FBXO16: variants seen among roughly 807,000 people sequenced by gnomAD.
FBXO16 encodes F-box only protein 16.
In FBXO16, 31 loss-of-function variants were observed where a neutral mutation model predicts 41.0. That is an observed-to-expected ratio of 0.76 (90% CI 0.57 to 1.02). The LOEUF is 1.02. Ranked by LOEUF, FBXO16 falls within the 50% of genes least tolerant of loss-of-function variation. The pLI, the probability that FBXO16 is intolerant of heterozygous loss-of-function variation, is 0.00. For synonymous variants in FBXO16, 133 were observed against 117.8 expected (o/e 1.13, Z -0.84); for missense variants, 361 against 346.2 (o/e 1.04, Z -0.34).
At chr8:28,483,085 G>A (rs954997791) in intron 2 of FBXO16, among the ~76,000 whole-genome samples, 5 of 152,114 alleles carry the variant, frequency 3.3e-5, no homozygotes, top group African/African-American at 4.8e-5. Context: ...GAAAAATGGC[G>A]AGTGGGGTGG....
At chr8:28,453,482 A>G (rs1187132834) in intron 5 of FBXO16, among the ~76,000 whole-genome samples, 3 of 151,904 alleles carry the variant, frequency 2.0e-5, no homozygotes, top group Admixed American at 6.5e-5. Context: ...TTAATCTCCA[A>G]AACTGAAAGC....
At chr8:28,431,049 G>A (rs371256545) in intron 7 of FBXO16, among the ~76,000 whole-genome samples, 1 of 152,160 alleles carries the variant, frequency 6.6e-6, no homozygotes, top group Admixed American at 6.6e-5. Context: ...ACAAGAATGG[G>A]CTAGTCACAT....
rs1803047446 is a variant in FBXO16, at chr8:28,456,856, G to A, written c.417C>T (p.Tyr139=). Residue 139 remains tyrosine (Y), a synonymous_variant, in exon 5 of 9, where the codon TAC becomes TAT. Coordinates refer to ENST00000380254, the MANE Select transcript of FBXO16 (RefSeq NM_172366.4). ...WMLKCLRFNW[Y]INFSPTPFEQ... The stretch of plus-strand genomic sequence containing the variant: ...CAAAGGGAGTTGGAGAGAAATTGAT[G>A]TACCAGTTAAACCGTAAACATTTCA... 1 of 1,614,110 alleles carries A rather than the reference G, an allele frequency of 6.2e-7. No individual in the cohort carries two copies. Among genetic ancestry groups the A allele is most frequent in the Non-Finnish European group, 8.5e-7 (1 of 1,180,016 alleles).
intron 1 of FBXO16, among the ~76,000 whole-genome samples, chr8:28,485,026 A>G (rs981148860): frequency 1.3e-5 from 2 of 151,844 alleles, no homozygotes; most frequent in African/African-American, 2.4e-5. Flanking sequence ...AGTAGTTTTG[A>G]TATATACACT....
intron 7 of FBXO16, among the ~76,000 whole-genome samples, chr8:28,438,505 C>T (rs1002890510): frequency 6.6e-6 from 1 of 152,168 alleles, no homozygotes; most frequent in African/African-American, 2.4e-5. Context: ...CTCTCAGCCA[C>T]AGCTCACCAT....
chr8:28,456,933 G>A lies in FBXO16; in HGVS notation c.343-3C>T. Reference sequence around the variant, plus strand: ...AGGTTCTTCCAATGCCAGCACACCTGGAAAAACAATTACAATTAAACAAAA... The same window carrying A: ...AGGTTCTTCCAATGCCAGCACACCTAGAAAAACAATTACAATTAAACAAAA... On this transcript the variant is annotated splice_polypyrimidine_tract_variant and splice_region_variant and intron_variant, in intron 4 of 8. Coordinates refer to ENST00000380254, the MANE Select transcript of FBXO16 (RefSeq NM_172366.4). The A allele has an allele frequency of 6.2e-7, 1 of 1,609,176 alleles. No homozygotes were observed. The highest frequency in any genetic ancestry group is 8.5e-7 in the Non-Finnish European group (1 of 1,177,686).
At chr8:28,434,907 T>C (rs1049370058) in intron 7 of FBXO16, among the ~76,000 whole-genome samples, 1 of 152,210 alleles carries the variant, frequency 6.6e-6, no homozygotes, top group African/African-American at 2.4e-5. Context: ...CAGACAAGGG[T>C]GCCCATGACC....
chr8:28,431,420 C>T (rs571746626), intron 7 of FBXO16, among the ~76,000 whole-genome samples: 4 of 152,306 alleles, frequency 2.6e-5, no homozygotes, highest in African/African-American at 9.6e-5. Context: ...AGGGAGAAAA[C>T]ATGGGGAAGT....
intron 3 of FBXO16, among the ~76,000 whole-genome samples, chr8:28,469,315 GAAAAAAA>G (rs78348990): frequency 1.4e-5 from 2 of 140,588 alleles, no homozygotes; most frequent in Non-Finnish European, 1.6e-5. Context: ...CCCTGCCTCA[GAAAAAAA>G]AAAAAAATTG....
chr8:28,479,006 CCTCCTG>C (rs1170232037), intron 2 of FBXO16, among the ~76,000 whole-genome samples: 2 of 152,046 alleles, frequency 1.3e-5, no homozygotes, highest in Non-Finnish European at 2.9e-5. Flanking sequence ...TCTCACTCTT[CCTCCTG>C]CTCCTGCCAT....
chr8:28,453,019 A>G (rs545693429), intron 5 of FBXO16, among the ~76,000 whole-genome samples: 57 of 152,282 alleles, frequency 3.7e-4, no homozygotes, highest in Admixed American at 8.5e-4. Flanking sequence ...CCATGGTGAT[A>G]ATGATTATAG....
intron 1 of FBXO16, among the ~76,000 whole-genome samples, chr8:28,484,637 G>C (rs1288033823): frequency 1.3e-5 from 2 of 152,222 alleles, no homozygotes; most frequent in African/African-American, 4.8e-5. Flanking sequence ...TGTCGCCCAG[G>C]CTGGAGGGCA....
intron 7 of FBXO16, among the ~76,000 whole-genome samples, chr8:28,440,309 G>C (rs951113897): frequency 2.0e-5 from 3 of 151,938 alleles, no homozygotes; most frequent in Non-Finnish European, 4.4e-5. Context: ...TCACTATGTT[G>C]CCCAGGCTGG....
Position 28,463,801 on chromosome 8 carries a change from G to A in FBXO16, c.153C>T (p.Asp51=), listed in dbSNP as rs1426062837. The change falls in exon 4 of 9, where the codon GAC becomes GAT. Residue 51 remains aspartate, a synonymous_variant. Coordinates refer to ENST00000380254, the MANE Select transcript of FBXO16 (RefSeq NM_172366.4). ...LLGKWFDKWT[D]SQRRRILTGL... ...CTGTGAGGATTCTTCTTCTTTGAGA[G>A]TCTGTCCATTTGTCAAACTGGAAAC... 6.2e-7 allele frequency: 1 copy of A among 1,613,758 alleles called. No individual in the cohort carries two copies. Among genetic ancestry groups the A allele is most frequent in the Admixed American group, 1.7e-5 (1 of 60,022 alleles).
At chr8:28,438,398 A>G (rs934794319) in intron 7 of FBXO16, among the ~76,000 whole-genome samples, 1 of 152,186 alleles carries the variant, frequency 6.6e-6, no homozygotes, top group African/African-American at 2.4e-5. Context: ...AGAAATGGGG[A>G]CGGTCAAGGA....
At chr8:28,440,530 A>T (rs1343636983) in intron 7 of FBXO16, among the ~76,000 whole-genome samples, 1 of 152,226 alleles carries the variant, frequency 6.6e-6, no homozygotes, top group Non-Finnish European at 1.5e-5. Flanking sequence ...ATGATCCAGG[A>T]ATCACTTTAG....
intron 6 of FBXO16, among the ~76,000 whole-genome samples, chr8:28,451,557 TTA>T (rs1459045346): frequency 4.6e-5 from 7 of 150,748 alleles, no homozygotes; most frequent in Admixed American, 1.3e-4. Flanking sequence ...AGTAAATATT[TTA>T]TATATATATA....
At position 28,452,283 on chromosome 8, in the gene FBXO16, T is replaced by C. The variant is rs1802966460; in HGVS notation, c.701A>G (p.Tyr234Cys). Residue 234 changes from tyrosine to cysteine, a missense_variant, in exon 6 of 9, where the codon TAC becomes TGC. Tyr to Cys is a radical substitution (Grantham distance 194). Transcript: ENST00000380254. ...KHPTDIIRFNYLDNRDPMETV... is the reference protein window; with the variant it reads ...KHPTDIIRFNCLDNRDPMETV... Reference sequence around the variant, plus strand: ...CTCCATGGGGTCACGGTTGTCTAGGTAATTAAAACGAATGATATCTGTTGG... The same window carrying C: ...CTCCATGGGGTCACGGTTGTCTAGGCAATTAAAACGAATGATATCTGTTGG... 4 of 1,614,166 alleles carry C rather than the reference T, an allele frequency of 2.5e-6. No homozygotes were observed. Among genetic ancestry groups the C allele is most frequent in the Non-Finnish European group, 3.4e-6 (4 of 1,180,028 alleles).
chr8:28,465,840 T>C (rs1177889789), intron 3 of FBXO16, among the ~76,000 whole-genome samples: 1 of 152,158 alleles, frequency 6.6e-6, no homozygotes, highest in Non-Finnish European at 1.5e-5. Context: ...CTGGTTTTCA[T>C]TTTTAATTTA....
Sources: gnomAD v4.1 joint callset for allele counts (sites outside exome capture counted in the v4.1 genomes callset) on GRCh38, gnomAD v4.1.1 for gene constraint, MANE v1.5 for transcripts, NCBI Gene and HGNC (gene_info 2026-07-23, HGNC 2026-07-21) for gene names.